AKAP19: variants seen among roughly 807,000 people sequenced by gnomAD.
AKAP19 encodes the protein A-kinase anchoring protein 19, also known as small A-kinase anchoring protein.
the AKAP19 span, among the ~76,000 whole-genome samples, chr2:190,088,114 T>C: frequency 6.6e-6 from 1 of 152,142 alleles, no homozygotes; most frequent in African/African-American, 2.4e-5. Flanking sequence ...AGAAAGGAAA[T>C]GTGGAAGGAG....
At chr2:190,051,982 C>G in the AKAP19 span, among the ~76,000 whole-genome samples, 1 of 151,920 alleles carries the variant, frequency 6.6e-6, no homozygotes, top group African/African-American at 2.4e-5. Context: ...GGACTACAGG[C>G]GCCCGCCACC....
chr2:190,137,907 T>C, the AKAP19 span: 969 of 141,276 alleles, frequency 6.9e-3, 99 homozygotes, highest in South Asian at 0.015. Flanking sequence ...TTTTAGTGAT[T>C]GACACACCAA....
chr2:190,025,387 T>C, the AKAP19 span, among the ~76,000 whole-genome samples: 3 of 152,202 alleles, frequency 2.0e-5, no homozygotes, highest in African/African-American at 4.8e-5. Context: ...CACAATGAAC[T>C]GAATATTTTC....
At chr2:189,893,310 C>T in the AKAP19 span, among the ~76,000 whole-genome samples, 3 of 152,164 alleles carry the variant, frequency 2.0e-5, no homozygotes, top group South Asian at 2.1e-4. Flanking sequence ...CCCAAACAGC[C>T]GCCCAGTTTT....
the AKAP19 span, among the ~76,000 whole-genome samples, chr2:189,941,363 T>G: frequency 1.3e-5 from 2 of 152,160 alleles, no homozygotes; most frequent in African/African-American, 2.4e-5. Flanking sequence ...GTAACTCCAG[T>G]ATGAAGGCCA....
chr2:190,178,707 G>T, the AKAP19 span, among the ~76,000 whole-genome samples: 3 of 152,228 alleles, frequency 2.0e-5, no homozygotes, highest in Non-Finnish European at 4.4e-5. The surrounding 1 kb of genome is among the most constrained non-coding windows in gnomAD (Gnocchi z 6.3). Context: ...TAGACCAAAG[G>T]CTGGTCCAAT....
the AKAP19 span, among the ~76,000 whole-genome samples, chr2:190,156,256 A>C: frequency 6.6e-6 from 1 of 152,178 alleles, no homozygotes; most frequent in Non-Finnish European, 1.5e-5. Context: ...CTGATCCAAC[A>C]TCCTATTAAT....
the AKAP19 span, among the ~76,000 whole-genome samples, chr2:190,004,532 A>C: frequency 6.6e-6 from 1 of 151,672 alleles, no homozygotes; most frequent in African/African-American, 2.4e-5. Context: ...TTCCTCTTGA[A>C]CACTATTTTC....
the AKAP19 span, among the ~76,000 whole-genome samples, chr2:190,064,325 G>A: frequency 6.6e-6 from 1 of 151,988 alleles, no homozygotes; most frequent in Non-Finnish European, 1.5e-5. Flanking sequence ...TTATTTGTTT[G>A]GTAAATTCAT....
At chr2:190,003,688 AC>A in the AKAP19 span, among the ~76,000 whole-genome samples, 4 of 152,136 alleles carry the variant, frequency 2.6e-5, no homozygotes, top group African/African-American at 7.2e-5. Context: ...ACACGGAGAA[AC>A]CCCGTCTTTA....
At chr2:190,142,299 TG>T in the AKAP19 span, among the ~76,000 whole-genome samples, 1 of 152,222 alleles carries the variant, frequency 6.6e-6, no homozygotes, top group Non-Finnish European at 1.5e-5. Context: ...TTAGACACAA[TG>T]ATTTTAAGTA....
the AKAP19 span, among the ~76,000 whole-genome samples, chr2:190,042,470 G>A: frequency 6.6e-6 from 1 of 151,518 alleles, no homozygotes; most frequent in Non-Finnish European, 1.5e-5. Context: ...ACAACTCCTG[G>A]ATTTGTTGAT....
the AKAP19 span, among the ~76,000 whole-genome samples, chr2:189,908,297 G>A: frequency 6.6e-6 from 1 of 151,016 alleles, no homozygotes; most frequent in Non-Finnish European, 1.5e-5. Flanking sequence ...AGTTTCAAGT[G>A]ATTCTCCTGC....
At chr2:190,069,175 T>TGTGTGA in the AKAP19 span, among the ~76,000 whole-genome samples, 653 of 123,514 alleles carry the variant, frequency 5.3e-3, 6 homozygotes, top group African/African-American at 7.8e-3. Flanking sequence ...TGTGTGTGTG[T>TGTGTGA]GAGAGAGAGA....
At chr2:190,159,629 GA>G in the AKAP19 span, among the ~76,000 whole-genome samples, 1 of 152,140 alleles carries the variant, frequency 6.6e-6, no homozygotes, top group Non-Finnish European at 1.5e-5. Context: ...GTCCTTGGCT[GA>G]TGACTGCTTC....
At chr2:189,880,601 G>A in the AKAP19 span, among the ~76,000 whole-genome samples, 5 of 152,216 alleles carry the variant, frequency 3.3e-5, no homozygotes, top group African/African-American at 1.2e-4. Flanking sequence ...CACACTTCAC[G>A]TAAGATACTG....
chr2:190,118,399 G>A, the AKAP19 span, among the ~76,000 whole-genome samples: 3 of 152,218 alleles, frequency 2.0e-5, no homozygotes, highest in Middle Eastern at 6.8e-3. Context: ...GCAAAGCCTG[G>A]CAGAGACACA....
the AKAP19 span, among the ~76,000 whole-genome samples, chr2:189,950,027 G>GT: frequency 0.12 from 4,195 of 34,912 alleles, 264 homozygotes; most frequent in African/African-American, 0.29. Flanking sequence ...TTTGGTTTTG[G>GT]GTTTTTTTTT....
the AKAP19 span, among the ~76,000 whole-genome samples, chr2:189,938,922 C>T: frequency 4.9e-4 from 75 of 152,226 alleles, no homozygotes; most frequent in Non-Finnish European, 9.6e-4. Flanking sequence ...TGCCCTTCCC[C>T]ACAATCGGTC....
Sources: gnomAD v4.1 joint callset for allele counts (sites outside exome capture counted in the v4.1 genomes callset) on GRCh38, gnomAD v4.1.1 for gene constraint, Gnocchi (gnomAD v3.1) non-coding constraint, MANE v1.5 for transcripts, NCBI Gene and HGNC (gene_info 2026-07-23, HGNC 2026-07-21) for gene names.